The following NR4A3 variants were observed in gnomAD, a reference collection of about 807,000 sequenced individuals.
The protein encoded by NR4A3 is chondrosarcoma, extraskeletal myxoid, fused to EWS.
In NR4A3, 13 loss-of-function variants were observed where a neutral mutation model predicts 55.6. The observed-to-expected ratio is 0.23, with a 90% CI of 0.15 to 0.37. The LOEUF (loss-of-function observed/expected upper bound fraction) is 0.37. NR4A3 is among the 10% of genes least tolerant of loss of function. The probability of loss-of-function intolerance (pLI) is 1.00; values close to 1 mark genes in which losing one functional copy is unlikely to be tolerated. For missense variants in NR4A3, 646 were observed against 822.8 expected (o/e 0.79, Z 2.63); for synonymous variants, 342 against 357.9 (o/e 0.96, Z 0.50).
At position 99,822,513 on chromosome 9, in the gene NR4A3, C is replaced by G. The variant is rs971499626; in HGVS notation, c.-177+106C>G. On this transcript the variant is annotated intron_variant, in intron 1 of 7. Coordinates refer to ENST00000395097, the MANE Select transcript of NR4A3 (RefSeq NM_006981.4). The surrounding 1 kb of genome is among the most constrained non-coding windows in gnomAD (Gnocchi z 4.9). ...CAACTTTGAGTGTGGGGTTCCCTCC[C>G]CTGACCTTGCCGCCCGGCTCCGGCT... is the stretch of plus-strand genomic sequence containing the variant. 1 of 152,430 alleles carries G rather than the reference C, an allele frequency of 6.6e-6. No individual in the cohort carries two copies. The highest frequency in any genetic ancestry group is 2.4e-5 in the African/African-American group (1 of 41,456). 9.4% of individuals were successfully genotyped at this position (152,430 alleles called of 1,614,324 possible).
rs1054858324 is a variant in NR4A3 at position 99,822,687 on chromosome 9, C to A, written c.-177+280C>A. 3.3e-5 allele frequency among the ~76,000 whole-genome samples: 5 copies of A among 152,118 alleles called. No homozygotes were observed. The highest frequency in any genetic ancestry group is 1.2e-4 in the African/African-American group (5 of 41,426). ...AGGAGGACCGGGATTTGTGCTATAG[C>A]GGCTCCAGCGATGTAATTCAGGGTA... On this transcript the variant is annotated intron_variant, in intron 1 of 7. Coordinates refer to ENST00000395097, the MANE Select transcript of NR4A3 (RefSeq NM_006981.4). This position sits in a 1 kb window ranked among gnomAD's most constrained non-coding sequence, Gnocchi z 4.9.
chr9:99,831,111 A>T (rs1827431669), intron 3 of NR4A3, among the ~76,000 whole-genome samples: 2 of 152,238 alleles, frequency 1.3e-5, no homozygotes, highest in Admixed American at 1.3e-4. Flanking sequence ...GAATTCGGTG[A>T]TTGAACCATA....
Position 99,866,428 on chromosome 9 carries a change from A to G in NR4A3, c.*2561A>G, listed in dbSNP as rs1828098831. 1 of 225,646 alleles carries G rather than the reference A, an allele frequency of 4.4e-6. No homozygotes were observed. The highest frequency in any genetic ancestry group is 8.9e-6 in the Non-Finnish European group (1 of 112,988). The allele number at this position is 225,646 out of a possible 1,614,324, so 14.0% of individuals were successfully genotyped here. Reference sequence around the variant, plus strand: ...TAGCCATTATAATCTAGTGGTTGGAAGGAATGAAGAAGCTTTTTTAGTAAT... The same window carrying G: ...TAGCCATTATAATCTAGTGGTTGGAGGGAATGAAGAAGCTTTTTTAGTAAT... On this transcript the variant is annotated 3_prime_UTR_variant, in exon 8 of 8. Coordinates refer to ENST00000395097, the MANE Select transcript of NR4A3 (RefSeq NM_006981.4).
At position 99,832,780 on chromosome 9, in the gene NR4A3, G is replaced by T; in HGVS notation, c.1043G>T (p.Arg348Leu). 1 of 1,603,032 alleles carries T rather than the reference G, an allele frequency of 6.2e-7. No individual in the cohort carries two copies. The highest frequency in any genetic ancestry group is 8.5e-7 in the Non-Finnish European group (1 of 1,172,384). Residue 348 changes from arginine to leucine, a missense_variant, in exon 4 of 8, where the codon CGA becomes CTA. Arg to Leu is a moderately radical substitution (Grantham distance 102). Coordinates refer to ENST00000395097, the MANE Select transcript of NR4A3 (RefSeq NM_006981.4). Reference sequence around the variant, plus strand: ...CGTCGAAACCGATGTCAGTACTGTCGATTTCAGAAGTGTCTCAGTGTTGGA... The same window carrying T: ...CGTCGAAACCGATGTCAGTACTGTCTATTTCAGAAGTGTCTCAGTGTTGGA... ...KRRRNRCQYC[R>L]FQKCLSVGMV...
At chr9:99,835,333 C>CTAA (rs1220288082) in intron 5 of NR4A3, among the ~76,000 whole-genome samples, 1 of 152,174 alleles carries the variant, frequency 6.6e-6, no homozygotes, top group Non-Finnish European at 1.5e-5. Flanking sequence ...GGTCACTGAA[C>CTAA]TAATATGCAG....
chr9:99,827,194 G>A (rs1036955141), intron 2 of NR4A3, among the ~76,000 whole-genome samples: 1 of 151,700 alleles, frequency 6.6e-6, no homozygotes, highest in African/African-American at 2.4e-5. Flanking sequence ...TATTATGATA[G>A]TTATAAACTG....
At chr9:99,829,074 G>C in intron 3 of NR4A3, 81 bp downstream of exon 3, 1 of 1,246,266 alleles carries the variant, frequency 8.0e-7, no homozygotes, top group South Asian at 3.0e-5. Flanking sequence ...GAGCATCCTT[G>C]TTCTTCCCGG....
intron 7 of NR4A3, among the ~76,000 whole-genome samples, chr9:99,851,931 T>C (rs1231609204): frequency 6.6e-6 from 1 of 152,234 alleles, no homozygotes; most frequent in Non-Finnish European, 1.5e-5. Flanking sequence ...GTACCAAGCA[T>C]TGTACCAGTC....
In NR4A3 at chr9:99,829,005, C is replaced by T. The variant is rs750692595; in HGVS notation, c.951+12C>T. 22 of 1,329,778 alleles carry T rather than the reference C, an allele frequency of 1.7e-5. No homozygotes were observed. The highest frequency in any genetic ancestry group is 2.0e-5 in the Non-Finnish European group (21 of 1,038,158). 82.4% of individuals were successfully genotyped at this position (1,329,778 alleles called of 1,614,324 possible). A position where few individuals can be genotyped will look rare whatever the true frequency, so the allele number is the denominator to read the frequency against. On this transcript the variant is annotated intron_variant, in intron 3 of 7. Coordinates refer to ENST00000395097, the MANE Select transcript of NR4A3 (RefSeq NM_006981.4). ...AGGGCTTTTTCAAGGTGAGCGCACG[C>T]CGCCCCCTCCCCTCCGCACCCAGCC... is the stretch of plus-strand genomic sequence containing the variant.
Position 99,866,825 on chromosome 9 carries a change from T to G in NR4A3, c.*2958T>G, listed in dbSNP as rs1564043128. 1 of 207,970 alleles carries G rather than the reference T, an allele frequency of 4.8e-6. No homozygotes were observed. The highest frequency in any genetic ancestry group is 9.8e-6 in the Non-Finnish European group (1 of 101,732). The allele number at this position is 207,970 out of a possible 1,614,324, so 12.9% of individuals were successfully genotyped here. A position where few individuals can be genotyped will look rare whatever the true frequency, so the allele number is the denominator to read the frequency against. On this transcript the variant is annotated 3_prime_UTR_variant, in exon 8 of 8. Coordinates refer to ENST00000395097, the MANE Select transcript of NR4A3 (RefSeq NM_006981.4). ...TCTTTAGTGTGTGTTAACCTGTGGT[T>G]TGAAAGAAATGCTCTTGTACATTAA...
rs766430480 is a variant in NR4A3, at chr9:99,833,367, C to T, written c.1167C>T (p.Pro389=). Reference sequence around the variant, plus strand: ...CATTACAACAGGAACCTTCTCAGCCCTCTCCACCTTCTCCTCCAATCTGCA... The same window carrying T: ...CATTACAACAGGAACCTTCTCAGCCTTCTCCACCTTCTCCTCCAATCTGCA... ...KSPLQQEPSQ[P]SPPSPPICMM... The change falls in exon 5 of 8, where the codon CCC becomes CCT. Residue 389 remains proline, a synonymous_variant. Transcript: ENST00000395097. 1.2e-6 allele frequency: 2 copies of T among 1,614,020 alleles called. No individual in the cohort carries two copies. Among genetic ancestry groups the T allele is most frequent in the Non-Finnish European group, 1.7e-6 (2 of 1,180,008 alleles).
At chr9:99,860,127 C>T (rs1408666296) in intron 7 of NR4A3, among the ~76,000 whole-genome samples, 1 of 152,014 alleles carries the variant, frequency 6.6e-6, no homozygotes, top group African/African-American at 2.4e-5. Context: ...TTTCTTTCAC[C>T]CTTCTCTATA....
chr9:99,834,305 C>A (rs897748857), intron 5 of NR4A3, among the ~76,000 whole-genome samples: 2 of 152,092 alleles, frequency 1.3e-5, no homozygotes, highest in African/African-American at 4.8e-5. Context: ...AAGGCAATTT[C>A]TTTAAAGGAC....
chr9:99,856,774 G>C (rs1311445444), intron 7 of NR4A3, among the ~76,000 whole-genome samples: 1 of 152,162 alleles, frequency 6.6e-6, no homozygotes, highest in African/African-American at 2.4e-5. Flanking sequence ...GCAGATTCTG[G>C]TTAGGTAGGT....
At chr9:99,862,977 G>A (rs536424567) in intron 7 of NR4A3, among the ~76,000 whole-genome samples, 9 of 151,576 alleles carry the variant, frequency 5.9e-5, no homozygotes, top group African/African-American at 2.2e-4. Context: ...GGTTTCAAGT[G>A]GGGGGGAACA....
intron 5 of NR4A3, among the ~76,000 whole-genome samples, chr9:99,839,052 C>T (rs1038657634): frequency 1.3e-5 from 2 of 152,196 alleles, no homozygotes; most frequent in African/African-American, 4.8e-5. Context: ...AGACAAAGCC[C>T]TTATCCACAT....
intron 5 of NR4A3, among the ~76,000 whole-genome samples, chr9:99,839,442 C>T (rs1827612949): frequency 6.6e-6 from 1 of 152,208 alleles, no homozygotes. Context: ...TAAAGCCTCA[C>T]ATCACTAATT....
Position 99,866,818 on chromosome 9 carries a change from C to T in NR4A3, c.*2951C>T, listed in dbSNP as rs1427243869. 1 of 209,786 alleles carries T rather than the reference C, an allele frequency of 4.8e-6. No individual in the cohort carries two copies. Among genetic ancestry groups the T allele is most frequent in the East Asian group, 7.2e-5 (1 of 13,904 alleles). 13.0% of individuals were successfully genotyped at this position (209,786 alleles called of 1,614,324 possible). On this transcript the variant is annotated 3_prime_UTR_variant, in exon 8 of 8. Coordinates refer to ENST00000395097, the MANE Select transcript of NR4A3 (RefSeq NM_006981.4). ...GCATTGCTCTTTAGTGTGTGTTAAC[C>T]TGTGGTTTGAAAGAAATGCTCTTGT...
intron 7 of NR4A3, among the ~76,000 whole-genome samples, chr9:99,850,919 T>C (rs1827838419): frequency 1.3e-5 from 2 of 152,182 alleles, no homozygotes; most frequent in African/African-American, 2.4e-5. Context: ...TCAAACTCAG[T>C]GGCATGAGGA....
Sources: gnomAD v4.1 joint callset for allele counts (sites outside exome capture counted in the v4.1 genomes callset) on GRCh38, gnomAD v4.1.1 for gene constraint, Gnocchi (gnomAD v3.1) non-coding constraint, MANE v1.5 for transcripts, NCBI Gene and HGNC (gene_info 2026-07-23, HGNC 2026-07-21) for gene names.